COG5: variants seen among roughly 807,000 people sequenced by gnomAD.
The protein encoded by COG5 is conserved oligomeric Golgi complex subunit 5.
Under a neutral mutation model 110.4 loss-of-function variants are expected in COG5, and 86 were observed. The observed-to-expected ratio is 0.78, with a 90% CI of 0.65 to 0.93. COG5 has a LOEUF of 0.93. COG5 is among the 40% of genes least tolerant of loss of function. The pLI is 0.00. For synonymous variants in COG5, 360 were observed against 334.6 expected (o/e 1.08, Z -0.83); for missense variants, 1,077 against 987.0 (o/e 1.09, Z -1.22).
intron 12 of COG5, among the ~76,000 whole-genome samples, chr7:107,292,499 A>C (rs1806257970): frequency 6.6e-6 from 1 of 152,238 alleles, no homozygotes; most frequent in Non-Finnish European, 1.5e-5. Context: ...TAAGCTAAAT[A>C]TTAAAAGCTG....
chr7:107,502,367 T>C (rs1227430549), intron 6 of COG5, among the ~76,000 whole-genome samples: 1 of 152,156 alleles, frequency 6.6e-6, no homozygotes, highest in Non-Finnish European at 1.5e-5. Flanking sequence ...GGCTGAGTAG[T>C]ATTACATGGT....
At chr7:107,501,686 G>T (rs940007365) in intron 6 of COG5, among the ~76,000 whole-genome samples, 1 of 152,110 alleles carries the variant, frequency 6.6e-6, no homozygotes, top group Non-Finnish European at 1.5e-5. Flanking sequence ...TTGTGTGCTT[G>T]TGTGTATAAT....
At chr7:107,303,549 C>G (rs1182736511) in intron 11 of COG5, among the ~76,000 whole-genome samples, 2 of 151,922 alleles carry the variant, frequency 1.3e-5, no homozygotes, top group Non-Finnish European at 2.9e-5. Flanking sequence ...CTCAGCCTCC[C>G]AAGTAGCTGG....
intron 14 of COG5, among the ~76,000 whole-genome samples, chr7:107,267,235 T>G (rs993063307): frequency 6.6e-6 from 1 of 152,206 alleles, no homozygotes; most frequent in Non-Finnish European, 1.5e-5. Context: ...TAACCTTCTC[T>G]AGATTACCCA....
chr7:107,550,392 C>T (rs1028237596), intron 3 of COG5, among the ~76,000 whole-genome samples: 1 of 152,158 alleles, frequency 6.6e-6, no homozygotes, highest in Non-Finnish European at 1.5e-5. Flanking sequence ...CATACAATAA[C>T]CTGATTAAAC....
At chr7:107,421,950 G>A (rs757362921) in intron 6 of COG5, among the ~76,000 whole-genome samples, 4 of 152,210 alleles carry the variant, frequency 2.6e-5, no homozygotes, top group East Asian at 1.9e-4. Flanking sequence ...TGCAACCAAC[G>A]CAGCAGTTAA....
chr7:107,204,640 A>C (rs1798620101), intron 21 of COG5, among the ~76,000 whole-genome samples: 1 of 152,186 alleles, frequency 6.6e-6, no homozygotes, highest in Admixed American at 6.5e-5. Flanking sequence ...TGAAAATACT[A>C]ATCTAATTGG....
chr7:107,547,413 C>G (rs770343232), intron 5 of COG5, among the ~76,000 whole-genome samples: 14 of 152,164 alleles, frequency 9.2e-5, no homozygotes, highest in Non-Finnish European at 8.8e-5. Flanking sequence ...CAACTAACAT[C>G]ATAATCAACA....
At chr7:107,381,120 C>T (rs775438722) in intron 7 of COG5, among the ~76,000 whole-genome samples, 5 of 147,566 alleles carry the variant, frequency 3.4e-5, no homozygotes, top group African/African-American at 1.2e-4. Context: ...AAGGTTTTTG[C>T]TTCTTTAAAA....
Position 107,302,061 on chromosome 7 carries a change from T to C in COG5, c.1109-3715A>G, listed in dbSNP as rs148341123. ...TTTGTCCAATAAAAATAACAGTATA[T>C]ATCTATATAAGGAATTGTACCTGAA... On this transcript the variant is annotated intron_variant, in intron 11 of 21. Coordinates refer to ENST00000297135, the MANE Select transcript of COG5 (RefSeq NM_006348.5). Among the ~76,000 whole-genome samples, 8 of 152,320 alleles carry C rather than the reference T, an allele frequency of 5.3e-5. No individual in the cohort carries two copies. The East Asian group carries it at 1.5e-3, about 29-fold the overall frequency.
intron 6 of COG5, among the ~76,000 whole-genome samples, chr7:107,449,227 C>T (rs946469879): frequency 2.0e-5 from 3 of 152,044 alleles, no homozygotes; most frequent in Non-Finnish European, 4.4e-5. Flanking sequence ...CTAATGCATA[C>T]GGGACTTAAA....
rs762596696 is a variant in COG5, at chr7:107,281,358, G to T, written c.1517C>A (p.Ala506Asp). Residue 506 changes from alanine (A) to aspartate (D), a missense_variant, in exon 14 of 22, where the codon GCT (alanine) becomes GAT (aspartate). Physicochemically the swap from Ala to Asp is moderately radical, Grantham distance 126 (BLOSUM62 -2). Coordinates refer to ENST00000297135, the MANE Select transcript of COG5 (RefSeq NM_006348.5). ...VAAVDTNLTL[A>D]VSKNVAKTIQ... is the part of the protein sequence containing the mutation. ...GGTCTTTGCCACATTTTTTGACACAGCTAATGTGAGGTTTGTATCAACAGC... is the reference window on the plus strand; with the variant it reads ...GGTCTTTGCCACATTTTTTGACACATCTAATGTGAGGTTTGTATCAACAGC... The T allele has an allele frequency of 3.7e-6, 6 of 1,613,318 alleles. No homozygotes were observed. In the East Asian group the frequency reaches 1.3e-4, roughly 36 times the overall value.
intron 7 of COG5, among the ~76,000 whole-genome samples, chr7:107,405,712 G>C (rs1791784509): frequency 6.6e-6 from 1 of 152,196 alleles, no homozygotes; most frequent in African/African-American, 2.4e-5. Flanking sequence ...GAATGTTTGT[G>C]TCTTTCCTCC....
rs1412329510 is a variant in COG5, at chr7:107,362,055, CA to C, written c.1003del (p.Cys335ValfsTer6). 3 of 1,606,770 alleles carry C rather than the reference CA, an allele frequency of 1.9e-6. No homozygotes were observed. Among genetic ancestry groups the C allele is most frequent in the Middle Eastern group, 1.7e-4 (1 of 6,046 alleles). On this transcript the variant is annotated frameshift_variant, in exon 10 of 22. Coordinates refer to ENST00000297135, the MANE Select transcript of COG5 (RefSeq NM_006348.5). LOFTEE classifies it high-confidence loss of function. ...AKKRDPVSHI[C>X]FIEEIVKDGQ... ...TACCTTAACTATTTCTTCAATGAAA[CA>C]AATGTGAGAAACAGGATCTCTCTTC...
chr7:107,513,456 T>G (rs1799689327), intron 6 of COG5, among the ~76,000 whole-genome samples: 1 of 152,346 alleles, frequency 6.6e-6, no homozygotes, highest in South Asian at 2.1e-4. Context: ...GGTGGGACTG[T>G]AAACTAGTTC....
At chr7:107,252,175 C>T (rs1037915701) in intron 16 of COG5, among the ~76,000 whole-genome samples, 4 of 152,058 alleles carry the variant, frequency 2.6e-5, no homozygotes, top group Admixed American at 1.3e-4. Context: ...ACGCCATAAT[C>T]GTGCCAGTGA....
At chr7:107,386,358 C>T (rs931324489) in intron 7 of COG5, among the ~76,000 whole-genome samples, 125 of 152,172 alleles carry the variant, frequency 8.2e-4, no homozygotes, top group Non-Finnish European at 5.3e-4. Context: ...CTCAGCTGGA[C>T]TGACAAGCAT....
At chr7:107,241,225 C>T (rs1801593153) in intron 17 of COG5, among the ~76,000 whole-genome samples, 1 of 152,076 alleles carries the variant, frequency 6.6e-6, no homozygotes, top group South Asian at 2.1e-4. Context: ...TTTTGGCTCC[C>T]TTCTGAGAGG....
At chr7:107,339,707 CAAG>C (rs1811018713) in intron 10 of COG5, among the ~76,000 whole-genome samples, 2 of 151,796 alleles carry the variant, frequency 1.3e-5, no homozygotes, top group Admixed American at 1.3e-4. Flanking sequence ...AAATTGATAC[CAAG>C]AAGATCTCCC....
Sources: gnomAD v4.1 joint callset for allele counts (sites outside exome capture counted in the v4.1 genomes callset) on GRCh38, gnomAD v4.1.1 for gene constraint, MANE v1.5 for transcripts, NCBI Gene and HGNC (gene_info 2026-07-23, HGNC 2026-07-21) for gene names.